SMYD3: variants seen among roughly 807,000 people sequenced by gnomAD.
The protein encoded by SMYD3 is histone-lysine N-methyltransferase SMYD3.
SMYD3 carries 36 observed loss-of-function variants against 57.7 expected under a neutral mutation model. The observed-to-expected ratio is 0.62, with a 90% CI of 0.48 to 0.82. The LOEUF is 0.82. Ranked by LOEUF, SMYD3 falls within the 40% of genes least tolerant of loss-of-function variation. The pLI, the probability that SMYD3 is intolerant of heterozygous loss-of-function variation, is 0.00. For synonymous variants in SMYD3, 211 were observed against 195.0 expected, an observed-to-expected ratio of 1.08 and a Z score of -0.68; for missense variants, 515 against 538.8, an observed-to-expected ratio of 0.96 and a Z score of 0.44.
intron 1 of SMYD3, among the ~76,000 whole-genome samples, chr1:246,416,554 TAA>T (rs35559952): frequency 0.47 from 65,000 of 139,372 alleles, 14,614 homozygotes; most frequent in East Asian, 0.62. Context: ...CTGGGAAAAG[TAA>T]AAAAAAAAAA....
intron 5 of SMYD3, among the ~76,000 whole-genome samples, chr1:246,091,137 G>A (rs530598406): frequency 6.4e-4 from 98 of 152,322 alleles, no homozygotes; most frequent in African/African-American, 2.1e-3. Flanking sequence ...GATGCCAGGC[G>A]TACTGGGGAA....
chr1:246,409,833 G>A (rs1416663917), intron 1 of SMYD3, among the ~76,000 whole-genome samples: 1 of 152,032 alleles, frequency 6.6e-6, no homozygotes, highest in East Asian at 1.9e-4. Flanking sequence ...CCATTTCTTT[G>A]TATCCTCTTT....
intron 10 of SMYD3, among the ~76,000 whole-genome samples, chr1:245,808,734 G>T (rs1415341142): frequency 1.3e-5 from 2 of 151,854 alleles, no homozygotes; most frequent in Non-Finnish European, 1.5e-5. Context: ...GCTTTTTTTT[G>T]GAAATAAATT....
intron 5 of SMYD3, among the ~76,000 whole-genome samples, chr1:246,287,776 G>A (rs116867544): frequency 3.3e-5 from 5 of 152,294 alleles, no homozygotes; most frequent in East Asian, 3.9e-4. Context: ...GTTCAATTAT[G>A]ACACCTATAA....
chr1:245,874,588 C>T (rs1319771689), intron 8 of SMYD3, among the ~76,000 whole-genome samples: 1 of 152,180 alleles, frequency 6.6e-6, no homozygotes, highest in Non-Finnish European at 1.5e-5. Flanking sequence ...TTATCCCGTT[C>T]TACAAACACT....
intron 5 of SMYD3, among the ~76,000 whole-genome samples, chr1:246,014,037 T>C (rs2059331987): frequency 6.6e-6 from 1 of 152,224 alleles, no homozygotes; most frequent in South Asian, 2.1e-4. Context: ...AAAGCAAGTA[T>C]CTGTCGGCCA....
At chr1:245,825,163 A>C (rs2049412996) in intron 10 of SMYD3, among the ~76,000 whole-genome samples, 2 of 152,292 alleles carry the variant, frequency 1.3e-5, no homozygotes, top group African/African-American at 4.8e-5. Flanking sequence ...GCCTTAAGAC[A>C]GACATTAAAG....
chr1:245,894,748 A>G (rs2053643455), intron 8 of SMYD3, among the ~76,000 whole-genome samples: 1 of 152,198 alleles, frequency 6.6e-6, no homozygotes, highest in Non-Finnish European at 1.5e-5. Context: ...TACTTGGTAC[A>G]CAAGAACACA....
intron 10 of SMYD3, among the ~76,000 whole-genome samples, chr1:245,785,305 G>C (rs561694941): frequency 2.0e-5 from 3 of 152,042 alleles, no homozygotes; most frequent in African/African-American, 2.4e-5. Context: ...AAAAATACAG[G>C]AGCATTTAAA....
chr1:246,344,143 A>G (rs2065674396), intron 2 of SMYD3, among the ~76,000 whole-genome samples: 2 of 152,088 alleles, frequency 1.3e-5, no homozygotes, highest in Admixed American at 6.6e-5. Flanking sequence ...TTAGCCTCCC[A>G]AAGTGCTGGG....
intron 9 of SMYD3, among the ~76,000 whole-genome samples, chr1:245,861,972 T>C (rs2051571457): frequency 6.8e-6 from 1 of 146,538 alleles, no homozygotes; most frequent in Non-Finnish European, 1.5e-5. Context: ...AACTGAACTC[T>C]GGCTGGGTTA....
In SMYD3 at chr1:245,749,498, A is replaced by C; in HGVS notation, c.*65T>G. The C allele has an allele frequency of 8.3e-7, 1 of 1,210,868 alleles. No individual in the cohort carries two copies. Among genetic ancestry groups the C allele is most frequent in the African/African-American group, 1.5e-5 (1 of 67,296 alleles). The allele number at this position is 1,210,868 out of a possible 1,614,324, so 75.0% of individuals were successfully genotyped here. A position where few individuals can be genotyped will look rare whatever the true frequency, so the allele number is the denominator to read the frequency against. ...GGTTCACACAGCTAACAAAGCATAG[A>C]GTGTGTGACCTCAATAAGGCATTCA... On this transcript the variant is annotated 3_prime_UTR_variant, in exon 12 of 12. Transcript: ENST00000490107.
At chr1:245,865,130 CTGATATTTACTGATAT>C (rs972221991) in intron 8 of SMYD3, among the ~76,000 whole-genome samples, 3 of 152,164 alleles carry the variant, frequency 2.0e-5, no homozygotes, top group East Asian at 1.9e-4. Context: ...GAAGGCTTTA[CTGATATTTACTGATAT>C]TGATATTTAC....
At chr1:246,506,292 G>A (rs1370980302) in intron 1 of SMYD3, among the ~76,000 whole-genome samples, 5 of 151,998 alleles carry the variant, frequency 3.3e-5, no homozygotes, top group Non-Finnish European at 5.9e-5. Context: ...CTTTACACCG[G>A]CACAGCGCGT....
chr1:246,385,319 C>T (rs2066456554), intron 1 of SMYD3, among the ~76,000 whole-genome samples: 1 of 151,994 alleles, frequency 6.6e-6, no homozygotes, highest in South Asian at 2.1e-4. Context: ...CGGATATGCC[C>T]ATTTCCTAAG....
intron 5 of SMYD3, among the ~76,000 whole-genome samples, chr1:246,131,359 T>G (rs753471378): frequency 6.6e-6 from 1 of 152,172 alleles, no homozygotes; most frequent in Admixed American, 6.6e-5. Context: ...GAATGAATCA[T>G]GTAAACATCC....
At chr1:245,964,570 A>C (rs1175813209) in intron 5 of SMYD3, among the ~76,000 whole-genome samples, 1 of 152,256 alleles carries the variant, frequency 6.6e-6, no homozygotes, top group Non-Finnish European at 1.5e-5. Context: ...ATGATGAATA[A>C]GCTAAAGGCT....
In SMYD3 at chr1:246,439,320, G is replaced by T. The variant is rs550374335; in HGVS notation, c.164+67734C>A. Among the ~76,000 whole-genome samples the T allele has an allele frequency of 2.0e-5, 3 of 152,230 alleles. No individual in the cohort carries two copies. In the East Asian group the frequency reaches 5.8e-4, roughly 29 times the overall value. On this transcript the variant is annotated intron_variant, in intron 1 of 11. Transcript: ENST00000490107. ...CAGATGTGAAAACCATGGATTCAAAGGATTCACTGTATAGTCCAACAATTC... is the reference window on the plus strand; with the variant it reads ...CAGATGTGAAAACCATGGATTCAAATGATTCACTGTATAGTCCAACAATTC...
chr1:246,015,177 G>A (rs905602755), intron 5 of SMYD3, among the ~76,000 whole-genome samples: 1 of 152,100 alleles, frequency 6.6e-6, no homozygotes, highest in African/African-American at 2.4e-5. Context: ...GGCGTGGTAG[G>A]TCATCACTGT....
Sources: gnomAD v4.1 joint callset for allele counts (sites outside exome capture counted in the v4.1 genomes callset) on GRCh38, gnomAD v4.1.1 for gene constraint, MANE v1.5 for transcripts, NCBI Gene and HGNC (gene_info 2026-07-23, HGNC 2026-07-21) for gene names.